PTPRT: variants seen among roughly 807,000 people sequenced by gnomAD.
PTPRT encodes protein tyrosine phosphatase receptor type T, also known as receptor-type tyrosine-protein phosphatase T.
Under a neutral mutation model 176.8 loss-of-function variants are expected in PTPRT, and 56 were observed. That is an observed-to-expected ratio of 0.32 (90% confidence interval 0.26 to 0.40). PTPRT has a LOEUF of 0.40. Ranked by LOEUF, PTPRT falls within the 10% of genes least tolerant of loss-of-function variation. The pLI is 1.00. For synonymous variants in PTPRT, 783 were observed against 739.0 expected (o/e 1.06, Z -0.96); for missense variants, 1,540 against 1,908.2 (o/e 0.81, Z 3.60).
intron 1 of PTPRT, among the ~76,000 whole-genome samples, chr20:42,900,591 C>A (rs1234710486): frequency 1.3e-5 from 2 of 152,174 alleles, no homozygotes; most frequent in Non-Finnish European, 2.9e-5. Context: ...GAGCCCATAT[C>A]ACATAGAAGA....
At chr20:42,071,499 C>T (rs1982333067), downstream of PTPRT, among the ~76,000 whole-genome samples, 2 of 151,998 alleles carry the variant, frequency 1.3e-5, no homozygotes, top group African/African-American at 2.4e-5. Flanking sequence ...AATCCTAGCT[C>T]CTATCCTGGA....
In PTPRT at chr20:42,542,867, G is replaced by C. The variant is rs552137889; in HGVS notation, c.1154-70305C>G. Among the ~76,000 whole-genome samples the C allele has an allele frequency of 5.3e-5, 8 of 152,250 alleles. No homozygotes were observed. In the East Asian group the frequency reaches 1.5e-3, roughly 29 times the overall value. On this transcript the variant is annotated intron_variant, in intron 7 of 30. Transcript: ENST00000373187. ...TATATTGAGCAGTGACTAAAAGAAG[G>C]TACTGAACAAGAGGTCTATAAAAGT...
intron 1 of PTPRT, among the ~76,000 whole-genome samples, chr20:43,119,684 T>C (rs1170471431): frequency 6.6e-6 from 1 of 152,224 alleles, no homozygotes; most frequent in Admixed American, 6.5e-5. Flanking sequence ...TCATCCTTTT[T>C]ATGATTATTG....
intron 6 of PTPRT, among the ~76,000 whole-genome samples, chr20:42,713,596 G>A (rs2076178737): frequency 6.6e-6 from 1 of 152,100 alleles, no homozygotes. Context: ...TGAAAAAAAT[G>A]AACTTAGGGA....
intron 12 of PTPRT, among the ~76,000 whole-genome samples, chr20:42,291,732 C>A (rs758994708): frequency 2.0e-5 from 3 of 152,036 alleles, no homozygotes; most frequent in Non-Finnish European, 4.4e-5. Flanking sequence ...TGAAGACATA[C>A]AAAATTCTGG....
intron 28 of PTPRT, 90 bp downstream of exon 28, chr20:42,085,638 T>G (rs777144001): frequency 5.7e-5 from 89 of 1,550,550 alleles, no homozygotes; most frequent in Non-Finnish European, 7.7e-5. Context: ...CAACACAGAC[T>G]CTTGGCTGGC....
intron 9 of PTPRT, among the ~76,000 whole-genome samples, chr20:42,424,754 T>C (rs2059148032): frequency 6.6e-6 from 1 of 150,940 alleles, no homozygotes; most frequent in Admixed American, 6.6e-5. Flanking sequence ...TTTTGTCAGA[T>C]GAGAACACAA....
intron 9 of PTPRT, among the ~76,000 whole-genome samples, chr20:42,371,499 G>A (rs1368500235): frequency 6.7e-6 from 1 of 148,458 alleles, no homozygotes; most frequent in Non-Finnish European, 1.5e-5. Context: ...CTGTTTATCT[G>A]ATTAATATTT....
chr20:42,603,479 A>T (rs1471540319), intron 7 of PTPRT, among the ~76,000 whole-genome samples: 1 of 152,222 alleles, frequency 6.6e-6, no homozygotes, highest in Non-Finnish European at 1.5e-5. Flanking sequence ...GCTGGAGCAT[A>T]GTGCATGGCC....
chr20:42,665,051 T>C (rs537966523), intron 7 of PTPRT, among the ~76,000 whole-genome samples: 3 of 152,112 alleles, frequency 2.0e-5, no homozygotes, highest in South Asian at 2.1e-4. Context: ...AAGGACTTCA[T>C]GTCTAAAACA....
chr20:42,110,208 A>G, intron 23 of PTPRT, 125 bp downstream of exon 23: 1 of 851,844 alleles, frequency 1.2e-6, no homozygotes, highest in African/African-American at 1.7e-5. Flanking sequence ...CACCATGACC[A>G]GCTAAGTTTT....
chr20:42,821,597 A>C (rs542725922), intron 2 of PTPRT, among the ~76,000 whole-genome samples: 7 of 152,276 alleles, frequency 4.6e-5, no homozygotes, highest in Admixed American at 4.6e-4. Flanking sequence ...AGGGTATTAA[A>C]ATAGGAAGAC....
chr20:42,059,127 C>T, the PTPRT span, among the ~76,000 whole-genome samples: 3 of 152,106 alleles, frequency 2.0e-5, no homozygotes, highest in African/African-American at 4.8e-5. Flanking sequence ...TATTTCTGGG[C>T]GAGGACTCTG....
chr20:42,061,996 G>C, the PTPRT span, among the ~76,000 whole-genome samples: 2 of 152,314 alleles, frequency 1.3e-5, no homozygotes, highest in South Asian at 2.1e-4. Flanking sequence ...AACCCAGGGG[G>C]CTGGCTAACA....
intron 9 of PTPRT, among the ~76,000 whole-genome samples, chr20:42,412,149 T>C (rs2059025160): frequency 6.6e-6 from 1 of 152,160 alleles, no homozygotes; most frequent in African/African-American, 2.4e-5. Context: ...AGGAAATATA[T>C]ACAAAACACA....
At position 43,027,797 on chromosome 20, in the gene PTPRT, C is replaced by T. The variant is rs1262794985; in HGVS notation, c.89-141865G>A. Among the ~76,000 whole-genome samples the T allele has an allele frequency of 1.6e-4, 25 of 152,152 alleles. 1 individual carries two copies. Among genetic ancestry groups the T allele is most frequent in the Admixed American group, 1.6e-3 (25 of 15,284 alleles). ...ATACACTACCTACATGTGTAACTCA[C>T]TTCTATTACCTACACAGCACCGACA... On this transcript the variant is annotated intron_variant, in intron 1 of 30. Transcript: ENST00000373187.
intron 7 of PTPRT, among the ~76,000 whole-genome samples, chr20:42,636,045 T>C (rs996604887): frequency 6.6e-6 from 1 of 152,180 alleles, no homozygotes; most frequent in Non-Finnish European, 1.5e-5. Context: ...ATTGTACTTA[T>C]GAAATTAATA....
chr20:43,079,150 C>G (rs1186281267), intron 1 of PTPRT, among the ~76,000 whole-genome samples: 2 of 149,426 alleles, frequency 1.3e-5, no homozygotes, highest in African/African-American at 2.5e-5. Flanking sequence ...TCTTTTTTCT[C>G]TCTCCCTTTC....
rs530349447 is a variant in PTPRT, at chr20:43,170,153, G to GTA, written c.88+19491_88+19492dup. 6.7e-4 allele frequency among the ~76,000 whole-genome samples: 100 copies of GTA among 150,108 alleles called. No homozygotes were observed. In the Middle Eastern group the frequency reaches 0.01, roughly 15 times the overall value. On this transcript the variant is annotated intron_variant, in intron 1 of 30. Transcript: ENST00000373187. ...CACTCTTAAATTAGGAATTTCCCCC[G>GTA]TATATATACTCGATATATATACGGG...
Sources: allele counts gnomAD v4.1 joint callset (sites outside exome capture counted in the v4.1 genomes callset), GRCh38; gene constraint gnomAD v4.1.1; transcripts MANE v1.5; gene names NCBI Gene and HGNC (gene_info 2026-07-23, HGNC 2026-07-21).